KLF12: variants seen among roughly 807,000 people sequenced by gnomAD.
KLF12 encodes KLF transcription factor 12.
A neutral mutation model predicts 37.8 loss-of-function variants in KLF12; 9 were observed. That is an observed-to-expected ratio of 0.24 (90% confidence interval 0.14 to 0.42). The LOEUF is 0.42. Ranked by LOEUF, KLF12 falls within the 10% of genes least tolerant of loss-of-function variation. The pLI, the probability that KLF12 is intolerant of heterozygous loss-of-function variation, is 1.00. For synonymous variants in KLF12, 208 were observed against 202.1 expected, an observed-to-expected ratio of 1.03 and a Z score of -0.25; for missense variants, 411 against 516.0, an observed-to-expected ratio of 0.80 and a Z score of 1.97.
At chr13:74,063,069 G>T (rs1470623902) in intron 1 of KLF12, among the ~76,000 whole-genome samples, 1 of 152,180 alleles carries the variant, frequency 6.6e-6, no homozygotes, top group East Asian at 1.9e-4. Flanking sequence ...CTCTCTCCGA[G>T]CTTCCTCTGT....
At chr13:73,929,081 G>C (rs1186356867) in intron 3 of KLF12, among the ~76,000 whole-genome samples, 1 of 152,140 alleles carries the variant, frequency 6.6e-6, no homozygotes, top group African/African-American at 2.4e-5. Flanking sequence ...ACTGAGAAGA[G>C]AATTAATCCA....
Position 74,112,188 on chromosome 13 carries a change from A to ATGTGTGTGTGTGCGTCTG in KLF12, c.-32+21550_-32+21551insCAGACGCACACACACACA, listed in dbSNP as rs1555272933. Among the ~76,000 whole-genome samples, 28 of 134,628 alleles carry ATGTGTGTGTGTGCGTCTG rather than the reference A, an allele frequency of 2.1e-4. No homozygotes were observed. The South Asian group carries it at 5.0e-3, about 24-fold the overall frequency. 88.3% of individuals were successfully genotyped at this position (134,628 alleles called of 152,430 possible). On this transcript the variant is annotated intron_variant, in intron 1 of 7. Transcript: ENST00000377669. ...TTAAAGGGCTGTTAAATAAACGTTTATGTGTGTGTGTGCATCTGTGTGTGT... is the reference window on the plus strand; with the variant it reads ...TTAAAGGGCTGTTAAATAAACGTTTATGTGTGTGTGTGCGTCTGTGTGTGTGTGTGCATCTGTGTGTGT...
chr13:73,990,204 A>G (rs2138238555), intron 2 of KLF12, among the ~76,000 whole-genome samples: 1 of 152,334 alleles, frequency 6.6e-6, no homozygotes, highest in Non-Finnish European at 1.5e-5. Flanking sequence ...TACTAAAGAG[A>G]AGAACAAAAT....
At chr13:74,100,872 A>G (rs1011941652) in intron 1 of KLF12, among the ~76,000 whole-genome samples, 1 of 152,094 alleles carries the variant, frequency 6.6e-6, no homozygotes, top group Non-Finnish European at 1.5e-5. Flanking sequence ...TTGTTTTTCA[A>G]CCTAGCCCAT....
intron 2 of KLF12, among the ~76,000 whole-genome samples, chr13:73,948,193 G>A (rs2139392922): frequency 6.6e-6 from 1 of 152,090 alleles, no homozygotes; most frequent in South Asian, 2.1e-4. Context: ...AAGATTCACT[G>A]CACCAAGTTG....
chr13:73,913,843 G>A (rs1194932072), intron 3 of KLF12, among the ~76,000 whole-genome samples: 2 of 151,860 alleles, frequency 1.3e-5, no homozygotes, highest in Non-Finnish European at 2.9e-5. Context: ...AAGTAGCATG[G>A]GCCAAATTTC....
chr13:74,265,048 C>T, the KLF12 span, among the ~76,000 whole-genome samples: 2 of 152,140 alleles, frequency 1.3e-5, no homozygotes, highest in Non-Finnish European at 2.9e-5. Flanking sequence ...GAATTTATAA[C>T]ATGAATCTCA....
At chr13:73,703,505 G>A (rs1401846742) in intron 7 of KLF12, among the ~76,000 whole-genome samples, 2 of 152,100 alleles carry the variant, frequency 1.3e-5, no homozygotes, top group African/African-American at 4.8e-5. Flanking sequence ...GAATTGCCTG[G>A]ACTGAATTAA....
At chr13:74,211,516 A>G in the KLF12 span, among the ~76,000 whole-genome samples, 2 of 152,190 alleles carry the variant, frequency 1.3e-5, no homozygotes, top group East Asian at 3.8e-4. Context: ...AAAGGAAATC[A>G]AGCAGAACAA....
At chr13:73,808,469 AAACAG>A (rs1216351569) in intron 5 of KLF12, among the ~76,000 whole-genome samples, 1 of 152,190 alleles carries the variant, frequency 6.6e-6, no homozygotes, top group Non-Finnish European at 1.5e-5. Context: ...AAATCTATGT[AAACAG>A]AGGTCGATTC....
chr13:73,778,856 T>A (rs1442419917), intron 5 of KLF12, among the ~76,000 whole-genome samples: 3 of 152,196 alleles, frequency 2.0e-5, no homozygotes, highest in Non-Finnish European at 4.4e-5. Context: ...CCTTACTTTG[T>A]TTATTTTAAG....
chr13:73,901,600 G>A (rs896746833), intron 3 of KLF12, among the ~76,000 whole-genome samples: 1 of 151,838 alleles, frequency 6.6e-6, no homozygotes, highest in Non-Finnish European at 1.5e-5. Context: ...TCCCCAAAAT[G>A]GAGCACACAA....
At chr13:74,009,269 T>C (rs1892488021) in intron 1 of KLF12, among the ~76,000 whole-genome samples, 1 of 152,248 alleles carries the variant, frequency 6.6e-6, no homozygotes, top group African/African-American at 2.4e-5. Context: ...TTACTTACAA[T>C]AGTATTTCAG....
rs968005398 is a variant in KLF12 at position 74,079,199 on chromosome 13, A to G, written c.-32+54540T>C. On this transcript the variant is annotated intron_variant, in intron 1 of 7. Transcript: ENST00000377669. The stretch of plus-strand genomic sequence containing the variant: ...CTAAAGCAGTCAAATTCGTAGAGAC[A>G]CAAAATAGAACGGGTACCAGGGGCT... Among the ~76,000 whole-genome samples, 3 of 126,402 alleles carry G rather than the reference A, an allele frequency of 2.4e-5. No individual in the cohort carries two copies. In the South Asian group the frequency reaches 8.4e-4, roughly 36 times the overall value. 82.9% of individuals were successfully genotyped at this position (126,402 alleles called of 152,430 possible). A position where few individuals can be genotyped will look rare whatever the true frequency, so the allele number is the denominator to read the frequency against.
chr13:73,993,282 G>A lies in KLF12; in HGVS notation c.33+1708C>T, dbSNP rs1245726202. ...TACTCACTGCTCCTTTCTCCTTAAA[G>A]ACTTTTGAATTCATGAATTATGAGC... On this transcript the variant is annotated intron_variant, in intron 2 of 7. Coordinates refer to ENST00000377669, the MANE Select transcript of KLF12 (RefSeq NM_007249.5). Among the ~76,000 whole-genome samples the A allele has an allele frequency of 2.0e-5, 3 of 152,130 alleles. No individual in the cohort carries two copies. The East Asian group carries it at 5.8e-4, about 29-fold the overall frequency.
the KLF12 span, among the ~76,000 whole-genome samples, chr13:74,306,035 T>G: frequency 6.6e-6 from 1 of 152,090 alleles, no homozygotes. Context: ...ACATAGTCGG[T>G]GCTGAAACAC....
chr13:74,210,340 G>A, the KLF12 span, among the ~76,000 whole-genome samples: 3 of 152,144 alleles, frequency 2.0e-5, no homozygotes, highest in Non-Finnish European at 4.4e-5. Context: ...ATCACCTCAA[G>A]TCTGAAGAAG....
intron 1 of KLF12, among the ~76,000 whole-genome samples, chr13:74,125,115 G>A (rs1274884532): frequency 2.7e-5 from 4 of 145,652 alleles, no homozygotes; most frequent in Admixed American, 7.2e-5. Context: ...ACTGCACTCC[G>A]GCCTGAGCAA....
At chr13:74,243,419 G>C in the KLF12 span, among the ~76,000 whole-genome samples, 4 of 152,114 alleles carry the variant, frequency 2.6e-5, no homozygotes, top group South Asian at 4.1e-4. Context: ...AAACATATGT[G>C]TGCATGTGTC....
Sources: gnomAD v4.1 joint callset for allele counts (sites outside exome capture counted in the v4.1 genomes callset) on GRCh38, gnomAD v4.1.1 for gene constraint, MANE v1.5 for transcripts, NCBI Gene and HGNC (gene_info 2026-07-23, HGNC 2026-07-21) for gene names.